The following PCDH15 variants were observed in gnomAD, a reference collection of about 807,000 sequenced individuals.
PCDH15 encodes protocadherin-15.
In PCDH15, 129 loss-of-function variants were observed where a neutral mutation model predicts 178.5. That is an observed-to-expected ratio of 0.72 (90% confidence interval 0.63 to 0.84). The LOEUF (loss-of-function observed/expected upper bound fraction) is 0.84. PCDH15 is among the 40% of genes least tolerant of loss of function. The pLI is 0.00. For synonymous variants in PCDH15, 800 were observed against 732.0 expected, an observed-to-expected ratio of 1.09 and a Z score of -1.50; for missense variants, 2,230 against 2,099.9, an observed-to-expected ratio of 1.06 and a Z score of -1.21.
Position 55,570,092 on chromosome 10 carries a change from TAC to T in PCDH15, c.-156+57531_-156+57532del, listed in dbSNP as rs567128575. Among the ~76,000 whole-genome samples the T allele has an allele frequency of 2.8e-3, 425 of 152,130 alleles. 1 individual carries two copies. Among genetic ancestry groups the T allele is most frequent in the Non-Finnish European group, 4.7e-3 (316 of 67,930 alleles). ...AAGAAGAGCTTTCATCTTAAATTCTTACAGTTAGTTGAATTGTTTACACCAAC... is the reference window on the plus strand; with the variant it reads ...AAGAAGAGCTTTCATCTTAAATTCTTAGTTAGTTGAATTGTTTACACCAAC... On this transcript the variant is annotated intron_variant, in intron 2 of 5. Transcript: ENST00000613346.
intron 2 of PCDH15, among the ~76,000 whole-genome samples, chr10:55,418,713 T>C (rs753259528): frequency 5.3e-5 from 8 of 151,782 alleles, no homozygotes; most frequent in Non-Finnish European, 1.2e-4. Flanking sequence ...TATGACAATA[T>C]AAGAATTTAA....
chr10:54,916,714 A>T (rs1837346493), intron 2 of PCDH15, among the ~76,000 whole-genome samples: 1 of 152,158 alleles, frequency 6.6e-6, no homozygotes, highest in Non-Finnish European at 1.5e-5. Flanking sequence ...ACCTCCAAAG[A>T]TGTAATTGAT....
intron 8 of PCDH15, among the ~76,000 whole-genome samples, chr10:54,302,911 AG>A (rs746009604): frequency 1.2e-3 from 189 of 152,298 alleles, no homozygotes; most frequent in Admixed American, 2.9e-3. Flanking sequence ...CCTATATCAA[AG>A]TGTTTCATGT....
intron 8 of PCDH15, among the ~76,000 whole-genome samples, chr10:54,316,750 T>G (rs1331142956): frequency 6.6e-6 from 1 of 152,178 alleles, no homozygotes; most frequent in Non-Finnish European, 1.5e-5. Flanking sequence ...CAGGATTAAG[T>G]GTAGAAAATA....
At chr10:54,698,939 C>T (rs1381102119) in intron 1 of PCDH15, among the ~76,000 whole-genome samples, 2 of 152,062 alleles carry the variant, frequency 1.3e-5, no homozygotes, top group East Asian at 3.9e-4. Flanking sequence ...AAGAAGGGTT[C>T]CTTGACTTAT....
intron 2 of PCDH15, among the ~76,000 whole-genome samples, chr10:54,545,230 C>T (rs1463739354): frequency 6.6e-6 from 1 of 152,116 alleles, no homozygotes; most frequent in Non-Finnish European, 1.5e-5. Context: ...ATGTCTTTCT[C>T]TACTAAAATA....
At chr10:55,184,445 A>C (rs1470128020) in intron 1 of PCDH15, among the ~76,000 whole-genome samples, 1 of 151,980 alleles carries the variant, frequency 6.6e-6, no homozygotes, top group Non-Finnish European at 1.5e-5. Flanking sequence ...TGCAACAATA[A>C]ACAGTCTCAC....
intron 3 of PCDH15, among the ~76,000 whole-genome samples, chr10:54,439,490 C>A (rs2075659280): frequency 6.6e-6 from 1 of 151,896 alleles, no homozygotes; most frequent in Non-Finnish European, 1.5e-5. Flanking sequence ...TTTCATGTGG[C>A]CACACTGAAA....
intron 3 of PCDH15, among the ~76,000 whole-genome samples, chr10:54,890,551 A>C (rs545641303): frequency 6.6e-6 from 1 of 152,128 alleles, no homozygotes; most frequent in South Asian, 2.1e-4. Flanking sequence ...GAGAAGAGAA[A>C]GGCTTTGAGG....
At chr10:53,935,639 AC>A (rs1452680550) in intron 25 of PCDH15, among the ~76,000 whole-genome samples, 1 of 152,200 alleles carries the variant, frequency 6.6e-6, no homozygotes, top group East Asian at 1.9e-4. Flanking sequence ...AGTAGTTCCG[AC>A]AGAGACCATA....
At chr10:54,087,427 T>C (rs2094532364) in intron 16 of PCDH15, among the ~76,000 whole-genome samples, 1 of 152,218 alleles carries the variant, frequency 6.6e-6, no homozygotes, top group Non-Finnish European at 1.5e-5. Context: ...CTGACTTATT[T>C]CACTTAGCAT....
intron 2 of PCDH15, among the ~76,000 whole-genome samples, chr10:55,147,937 G>A (rs1213170146): frequency 6.6e-6 from 1 of 151,024 alleles, no homozygotes; most frequent in African/African-American, 2.4e-5. Context: ...TTCTCCCTTG[G>A]TAACTCAGTA....
intron 32 of PCDH15, among the ~76,000 whole-genome samples, chr10:53,824,877 C>A (rs1408827444): frequency 6.6e-6 from 1 of 151,788 alleles, no homozygotes; most frequent in Non-Finnish European, 1.5e-5. Context: ...TTTTTAAAAA[C>A]TAATTTAAAA....
intron 1 of PCDH15, among the ~76,000 whole-genome samples, chr10:54,751,452 C>T (rs961894632): frequency 6.6e-6 from 1 of 152,080 alleles, no homozygotes; most frequent in Non-Finnish European, 1.5e-5. Context: ...ACATAACTGG[C>T]AATAATATCT....
chr10:54,594,462 G>T (rs1279360046), intron 2 of PCDH15, among the ~76,000 whole-genome samples: 1 of 152,096 alleles, frequency 6.6e-6, no homozygotes, highest in Non-Finnish European at 1.5e-5. Flanking sequence ...GTACCTGCTA[G>T]CAGTGTACCC....
intron 25 of PCDH15, among the ~76,000 whole-genome samples, chr10:53,924,401 C>T (rs1294033845): frequency 6.6e-6 from 1 of 152,218 alleles, no homozygotes; most frequent in Non-Finnish European, 1.5e-5. Flanking sequence ...TCTCACTGGG[C>T]CTCAGCTGCC....
chr10:54,303,742 A>T (rs2060291301), intron 8 of PCDH15, among the ~76,000 whole-genome samples: 1 of 152,188 alleles, frequency 6.6e-6, no homozygotes, highest in African/African-American at 2.4e-5. Context: ...CTGACACTTC[A>T]TACCAAAGCA....
chr10:54,229,431 C>T (rs1184478562), intron 9 of PCDH15, among the ~76,000 whole-genome samples: 1 of 151,946 alleles, frequency 6.6e-6, no homozygotes, highest in African/African-American at 2.4e-5. Flanking sequence ...GTTATGTATT[C>T]ATTATAAAAT....
intron 2 of PCDH15, among the ~76,000 whole-genome samples, chr10:54,648,674 T>A (rs2094188207): frequency 6.6e-6 from 1 of 152,156 alleles, no homozygotes; most frequent in Non-Finnish European, 1.5e-5. Context: ...GTTTGGCACT[T>A]ACAAATACCA....
Sources: gnomAD v4.1 joint callset for allele counts (sites outside exome capture counted in the v4.1 genomes callset) on GRCh38, gnomAD v4.1.1 for gene constraint, MANE v1.5 for transcripts, NCBI Gene and HGNC (gene_info 2026-07-23, HGNC 2026-07-21) for gene names.